The following RAP1GAP2 variants were observed in gnomAD, a reference collection of about 807,000 sequenced individuals.
The protein encoded by RAP1GAP2 is rap1 GTPase-activating protein 2.
In RAP1GAP2, 27 loss-of-function variants were observed where a neutral mutation model predicts 95.0. That is an observed-to-expected ratio of 0.28 (90% confidence interval 0.21 to 0.39). The LOEUF (loss-of-function observed/expected upper bound fraction) is 0.39. Among genes scored for constraint, RAP1GAP2 ranks in the 10% least tolerant of loss-of-function variants. The pLI, the probability that RAP1GAP2 is intolerant of heterozygous loss-of-function variation, is 1.00. For synonymous variants in RAP1GAP2, 373 were observed against 380.9 expected (o/e 0.98, Z 0.24); for missense variants, 771 against 970.0 (o/e 0.79, Z 2.72).
intron 3 of RAP1GAP2, among the ~76,000 whole-genome samples, chr17:2,944,374 G>C (rs1317351923): frequency 6.6e-6 from 1 of 152,110 alleles, no homozygotes; most frequent in Non-Finnish European, 1.5e-5. Context: ...CTTTTTTGCA[G>C]CGCCATTTGT....
chr17:2,879,125 T>G (rs2073197435), intron 2 of RAP1GAP2, among the ~76,000 whole-genome samples: 1 of 151,708 alleles, frequency 6.6e-6, no homozygotes, highest in African/African-American at 2.4e-5. Context: ...TTCTTTTTTT[T>G]TTTTTTTGAG....
intron 3 of RAP1GAP2, among the ~76,000 whole-genome samples, chr17:2,927,181 T>C (rs2042983538): frequency 6.7e-6 from 1 of 150,182 alleles, no homozygotes; most frequent in African/African-American, 2.4e-5. Flanking sequence ...TTAGACAGAA[T>C]CTCGCTCTGT....
Position 3,017,179 on chromosome 17 carries a change from C to T in RAP1GAP2, c.1495-882C>T, listed in dbSNP as rs149185582. On this transcript the variant is annotated intron_variant, in intron 17 of 24. Transcript: ENST00000254695. ...TGTGCCTTCCCGGGTCCATCCCTCC[C>T]GTGGCTGAGTAATCTTGGTTTTTAG... Among the ~76,000 whole-genome samples the T allele has an allele frequency of 7.7e-3, 1,177 of 152,240 alleles. 15 individuals are homozygous for T. The highest frequency in any genetic ancestry group is 0.027 in the African/African-American group (1,120 of 41,526).
At chr17:2,785,714 C>G (rs1367402375) in intron 1 of RAP1GAP2, among the ~76,000 whole-genome samples, 1 of 152,096 alleles carries the variant, frequency 6.6e-6, no homozygotes, top group Non-Finnish European at 1.5e-5. Context: ...AGACGCGAGT[C>G]TGCCGATGCT....
intron 19 of RAP1GAP2, among the ~76,000 whole-genome samples, chr17:3,025,131 C>G (rs559429142): frequency 1.3e-5 from 2 of 152,174 alleles, no homozygotes; most frequent in Non-Finnish European, 2.9e-5. Flanking sequence ...AATCTCAGCA[C>G]TCTGGGAGCC....
At chr17:2,922,179 T>A (rs534420137) in intron 3 of RAP1GAP2, among the ~76,000 whole-genome samples, 41 of 152,320 alleles carry the variant, frequency 2.7e-4, no homozygotes, top group African/African-American at 9.9e-4. Flanking sequence ...GCGTCTAAGA[T>A]GACACCTTCT....
chr17:2,820,948 G>C (rs969513747), intron 2 of RAP1GAP2, among the ~76,000 whole-genome samples: 3 of 147,262 alleles, frequency 2.0e-5, no homozygotes, highest in African/African-American at 7.5e-5. Flanking sequence ...TGTTGGCCAG[G>C]CTGCTCTCGA....
In RAP1GAP2 at chr17:3,003,437, C is replaced by A. The variant is rs1186273218; in HGVS notation, c.1201-1932C>A. Among the ~76,000 whole-genome samples, 2 of 152,320 alleles carry A rather than the reference C, an allele frequency of 1.3e-5. No individual in the cohort carries two copies. Among genetic ancestry groups the A allele is most frequent in the Admixed American group, 1.3e-4 (2 of 15,304 alleles). The stretch of plus-strand genomic sequence containing the variant: ...TGTCAGGAATCTCAGGTGAAGCCCA[C>A]CGCCGGGGAGGGCCCTGTCTTTGTA... On this transcript the variant is annotated intron_variant, in intron 14 of 24. Transcript: ENST00000254695. The surrounding 1 kb of genome is among the most constrained non-coding windows in gnomAD (Gnocchi z 4.1).
At chr17:2,889,889 A>ATATATATATATATTTTTT (rs1408426152) in intron 2 of RAP1GAP2, among the ~76,000 whole-genome samples, 1 of 57,312 alleles carries the variant, frequency 1.7e-5, no homozygotes, top group African/African-American at 7.2e-5. Context: ...ATATATATAT[A>ATATATATATATATTTTTT]TTTTTTTTTT....
At chr17:2,879,661 G>T (rs1465992277) in intron 2 of RAP1GAP2, among the ~76,000 whole-genome samples, 5 of 151,852 alleles carry the variant, frequency 3.3e-5, no homozygotes, top group Non-Finnish European at 7.4e-5. Flanking sequence ...GGGAGGCAGA[G>T]GTTGCAGTGA....
intron 2 of RAP1GAP2, among the ~76,000 whole-genome samples, chr17:2,852,756 G>C (rs992993203): frequency 2.6e-5 from 4 of 152,262 alleles, no homozygotes; most frequent in South Asian, 2.1e-4. Context: ...CTTCGGAGGG[G>C]TGAGGCGGGA....
chr17:2,907,383 C>T (rs956438546), intron 3 of RAP1GAP2, among the ~76,000 whole-genome samples: 4 of 152,182 alleles, frequency 2.6e-5, no homozygotes, highest in African/African-American at 4.8e-5. Context: ...GCCCAGTGCT[C>T]GGTTCTGGGG....
At chr17:2,927,301 C>G (rs1338496387) in intron 3 of RAP1GAP2, among the ~76,000 whole-genome samples, 1 of 151,964 alleles carries the variant, frequency 6.6e-6, no homozygotes, top group East Asian at 2.0e-4. Flanking sequence ...CTACAGGCAC[C>G]CGCCACCGCG....
chr17:2,769,471 C>T (rs191391427), intron 1 of RAP1GAP2, among the ~76,000 whole-genome samples: 1 of 151,368 alleles, frequency 6.6e-6, no homozygotes, highest in Non-Finnish European at 1.5e-5. Context: ...GGGAGAATGG[C>T]GTGAACCTGG....
chr17:2,814,874 G>T (rs1458276062), intron 2 of RAP1GAP2, among the ~76,000 whole-genome samples: 1 of 152,114 alleles, frequency 6.6e-6, no homozygotes, highest in Non-Finnish European at 1.5e-5. Flanking sequence ...GGCAGCCATT[G>T]CCCCTTTCTT....
At chr17:2,765,621 T>C (rs752533930) in intron 1 of RAP1GAP2, among the ~76,000 whole-genome samples, 2 of 151,960 alleles carry the variant, frequency 1.3e-5, no homozygotes, top group Non-Finnish European at 2.9e-5. Context: ...TGGGCGCCTG[T>C]AGTCCCAGCT....
intron 8 of RAP1GAP2, among the ~76,000 whole-genome samples, chr17:2,979,460 GTTTTTTT>G (rs71153320): frequency 1.3e-5 from 1 of 78,606 alleles, no homozygotes; most frequent in Non-Finnish European, 2.3e-5. Context: ...GGCGTGTTCT[GTTTTTTT>G]TTTTTTTTTT....
intron 2 of RAP1GAP2, among the ~76,000 whole-genome samples, chr17:2,850,489 C>T (rs1004127292): frequency 2.0e-4 from 31 of 151,530 alleles, no homozygotes; most frequent in Non-Finnish European, 3.4e-4. Context: ...TGGCTCATGC[C>T]TGTAATCCCA....
At chr17:2,872,746 A>T (rs2072900770) in intron 2 of RAP1GAP2, among the ~76,000 whole-genome samples, 1 of 151,566 alleles carries the variant, frequency 6.6e-6, no homozygotes, top group Non-Finnish European at 1.5e-5. Context: ...GCTAGAGTGC[A>T]GTGGTGTGAA....
Sources: gnomAD v4.1 joint callset for allele counts (sites outside exome capture counted in the v4.1 genomes callset) on GRCh38, gnomAD v4.1.1 for gene constraint, Gnocchi (gnomAD v3.1) non-coding constraint, MANE v1.5 for transcripts, NCBI Gene and HGNC (gene_info 2026-07-23, HGNC 2026-07-21) for gene names.